The following CAMK4 variants were observed in gnomAD, a reference collection of about 807,000 sequenced individuals.
CAMK4 encodes calcium/calmodulin dependent protein kinase IV.
Under a neutral mutation model 44.9 loss-of-function variants are expected in CAMK4, and 22 were observed. The observed-to-expected ratio is 0.49, with a 90% CI of 0.35 to 0.70. The LOEUF (loss-of-function observed/expected upper bound fraction) is 0.70. Among genes scored for constraint, CAMK4 ranks in the 30% least tolerant of loss-of-function variants. The pLI is 0.01. For synonymous variants in CAMK4, 218 were observed against 215.4 expected (o/e 1.01, Z -0.11); for missense variants, 498 against 586.8 (o/e 0.85, Z 1.56).
At chr5:111,271,992 C>T (rs1232646117) in intron 1 of CAMK4, among the ~76,000 whole-genome samples, 2 of 152,120 alleles carry the variant, frequency 1.3e-5, no homozygotes, top group Admixed American at 6.5e-5. Flanking sequence ...GAAGTATTAT[C>T]TGAGTATCTC....
At chr5:111,322,625 C>G (rs1375670231) in intron 1 of CAMK4, among the ~76,000 whole-genome samples, 4 of 151,498 alleles carry the variant, frequency 2.6e-5, no homozygotes, top group Non-Finnish European at 5.9e-5. Flanking sequence ...TTCAAATAAG[C>G]AAGAAATTGT....
At chr5:111,296,311 C>T (rs1031446450) in intron 1 of CAMK4, among the ~76,000 whole-genome samples, 4 of 152,182 alleles carry the variant, frequency 2.6e-5, no homozygotes, top group Non-Finnish European at 5.9e-5. Context: ...CTGTTAATAA[C>T]ACCCCTATAT....
chr5:111,439,921 T>G (rs1475395363), intron 5 of CAMK4, among the ~76,000 whole-genome samples: 3 of 151,964 alleles, frequency 2.0e-5, no homozygotes, highest in Non-Finnish European at 4.4e-5. Flanking sequence ...TTGAGAAAAA[T>G]GAGTCAGAAC....
rs1316697894 is a variant in CAMK4, at chr5:111,490,874, C to T, written c.*6408C>T. 1 of 152,130 alleles carries T rather than the reference C, an allele frequency of 6.6e-6. No individual in the cohort carries two copies. Among genetic ancestry groups the T allele is most frequent in the African/African-American group, 2.4e-5 (1 of 41,430 alleles). 9.4% of individuals were successfully genotyped at this position (152,130 alleles called of 1,614,324 possible). On this transcript the variant is annotated 3_prime_UTR_variant, in exon 11 of 11. Coordinates refer to ENST00000282356, the MANE Select transcript of CAMK4 (RefSeq NM_001744.6). ...TAGTAATAGTAGTCCATTCCATGTC[C>T]AACAGATGTTGCTGTGTTTCTTTCA...
intron 2 of CAMK4, among the ~76,000 whole-genome samples, chr5:111,362,984 G>A (rs2112799550): frequency 6.6e-6 from 1 of 152,110 alleles, no homozygotes; most frequent in African/African-American, 2.4e-5. Flanking sequence ...TACAAATGAT[G>A]GAACACTCAA....
At chr5:111,318,810 T>G (rs559028049) in intron 1 of CAMK4, among the ~76,000 whole-genome samples, 21 of 152,190 alleles carry the variant, frequency 1.4e-4, no homozygotes, top group Non-Finnish European at 2.9e-4. Flanking sequence ...GATAACACCT[T>G]AAAATCTAAA....
intron 4 of CAMK4, among the ~76,000 whole-genome samples, chr5:111,388,634 C>T (rs1377930763): frequency 1.3e-5 from 2 of 152,148 alleles, no homozygotes; most frequent in Non-Finnish European, 2.9e-5. Flanking sequence ...TATTTAATAA[C>T]TCTATCACAT....
chr5:111,472,718 C>T (rs1282614288), intron 7 of CAMK4, among the ~76,000 whole-genome samples: 1 of 152,186 alleles, frequency 6.6e-6, no homozygotes, highest in East Asian at 1.9e-4. Context: ...TGACCTCAAG[C>T]TGATTGGGAT....
At chr5:111,468,226 A>G (rs1417163436) in intron 7 of CAMK4, among the ~76,000 whole-genome samples, 1 of 152,164 alleles carries the variant, frequency 6.6e-6, no homozygotes, top group African/African-American at 2.4e-5. Context: ...ACAGTGTACA[A>G]TGCTCAGGTG....
chr5:111,285,657 C>T (rs1433353214), intron 1 of CAMK4, among the ~76,000 whole-genome samples: 5 of 152,130 alleles, frequency 3.3e-5, no homozygotes, highest in Non-Finnish European at 7.4e-5. Context: ...AGTTGTAACT[C>T]TTTTGTGCTG....
chr5:111,224,787 AC>A lies in CAMK4; in HGVS notation c.161+145del. On this transcript the variant is annotated intron_variant, in intron 1 of 10. Transcript: ENST00000282356. This position sits in a 1 kb window ranked among gnomAD's most constrained non-coding sequence, Gnocchi z 5.7. Reference sequence around the variant, plus strand: ...TAGTTAGTGTCTTGAGAGAGAGCTAACCTTCATTCAGGTGCGGCTCGAGTCC... The same window carrying A: ...TAGTTAGTGTCTTGAGAGAGAGCTAACTTCATTCAGGTGCGGCTCGAGTCC... The A allele has an allele frequency of 1.2e-6, 1 of 816,840 alleles. No homozygotes were observed. Among genetic ancestry groups the A allele is most frequent in the Non-Finnish European group, 1.8e-6 (1 of 542,282 alleles). The allele number at this position is 816,840 out of a possible 1,614,324, so 50.6% of individuals were successfully genotyped here.
At chr5:111,407,611 A>AAAC (rs1319221087) in intron 5 of CAMK4, among the ~76,000 whole-genome samples, 1 of 152,208 alleles carries the variant, frequency 6.6e-6, no homozygotes, top group Admixed American at 6.5e-5. Flanking sequence ...TATCTTAAAC[A>AAAC]AACAACAACA....
chr5:111,469,182 T>C (rs1483826578), intron 7 of CAMK4, among the ~76,000 whole-genome samples: 1 of 73,192 alleles, frequency 1.4e-5, no homozygotes, highest in African/African-American at 4.5e-5. Flanking sequence ...AATATATATA[T>C]ATATATATAT....
chr5:111,267,673 C>T (rs1286195244), intron 1 of CAMK4, among the ~76,000 whole-genome samples: 2 of 146,572 alleles, frequency 1.4e-5, no homozygotes, highest in Non-Finnish European at 3.0e-5. Context: ...CACAGCACTC[C>T]CGCCTGGGCG....
At chr5:111,342,950 T>A (rs919928069) in intron 1 of CAMK4, among the ~76,000 whole-genome samples, 1 of 151,666 alleles carries the variant, frequency 6.6e-6, no homozygotes, top group Non-Finnish European at 1.5e-5. Context: ...AGAAACACAA[T>A]GCATTTTTAA....
chr5:111,309,723 C>A (rs17133055), intron 1 of CAMK4, among the ~76,000 whole-genome samples: 1 of 152,072 alleles, frequency 6.6e-6, no homozygotes, highest in Non-Finnish European at 1.5e-5. Context: ...CCTTTAACTT[C>A]TATTATCTCA....
At chr5:111,328,282 G>T (rs374898079) in intron 1 of CAMK4, among the ~76,000 whole-genome samples, 3,819 of 151,200 alleles carry the variant, frequency 0.025, 158 homozygotes, top group African/African-American at 0.086. Flanking sequence ...TTTCCCCATT[G>T]CTTGTTTTTG....
intron 5 of CAMK4, among the ~76,000 whole-genome samples, chr5:111,442,705 T>C (rs1392485961): frequency 5.4e-5 from 8 of 149,074 alleles, no homozygotes; most frequent in Admixed American, 5.4e-4. Flanking sequence ...ACTAATTTTT[T>C]GTTTTAGAAA....
At chr5:111,360,534 A>C (rs181281437) in intron 2 of CAMK4, among the ~76,000 whole-genome samples, 4 of 152,222 alleles carry the variant, frequency 2.6e-5, no homozygotes, top group African/African-American at 9.6e-5. Context: ...TTGAAACCGG[A>C]CAGTCTTGGA....
Sources: gnomAD v4.1 joint callset for allele counts (sites outside exome capture counted in the v4.1 genomes callset) on GRCh38, gnomAD v4.1.1 for gene constraint, Gnocchi (gnomAD v3.1) non-coding constraint, MANE v1.5 for transcripts, NCBI Gene and HGNC (gene_info 2026-07-23, HGNC 2026-07-21) for gene names.